The following FER1L6 variants were observed in gnomAD, a reference collection of about 807,000 sequenced individuals.
FER1L6 encodes the protein fer-1 like family member 6, also known as fer-1-like protein 6.
FER1L6 carries 177 observed loss-of-function variants against 219.2 expected under a neutral mutation model. That is an observed-to-expected ratio of 0.81 (90% CI 0.71 to 0.91). The LOEUF (loss-of-function observed/expected upper bound fraction) is 0.91, where lower values mean the gene tolerates loss of function less well. Ranked by LOEUF, FER1L6 falls within the 40% of genes least tolerant of loss-of-function variation. FER1L6 has a pLI of 0.00. For synonymous variants in FER1L6, 768 were observed against 824.3 expected (o/e 0.93, Z 1.17); for missense variants, 2,153 against 2,259.9 (o/e 0.95, Z 0.96).
chr8:123,940,876 C>A (rs1814213575), intron 1 of FER1L6, among the ~76,000 whole-genome samples: 1 of 152,108 alleles, frequency 6.6e-6, no homozygotes, highest in Non-Finnish European at 1.5e-5. Flanking sequence ...GTTTAAGGAA[C>A]AAGCACAGGG....
chr8:123,895,921 G>A (rs1385754048), intron 1 of FER1L6, among the ~76,000 whole-genome samples: 3 of 152,188 alleles, frequency 2.0e-5, no homozygotes, highest in Non-Finnish European at 4.4e-5. Flanking sequence ...ATAAACAGGA[G>A]GGACAATAGG....
chr8:123,910,639 C>A (rs985877015), intron 1 of FER1L6, among the ~76,000 whole-genome samples: 2 of 151,536 alleles, frequency 1.3e-5, no homozygotes, highest in African/African-American at 2.4e-5. Context: ...CTGAAATAAA[C>A]CTTCCTGATA....
At chr8:123,875,049 G>T (rs575630610) in intron 1 of FER1L6, among the ~76,000 whole-genome samples, 1 of 152,144 alleles carries the variant, frequency 6.6e-6, no homozygotes, top group South Asian at 2.1e-4. Context: ...ACAAAAATTA[G>T]CTGGGCATGA....
intron 34 of FER1L6, among the ~76,000 whole-genome samples, chr8:124,093,299 C>G (rs918072262): frequency 6.6e-6 from 1 of 151,976 alleles, no homozygotes; most frequent in Non-Finnish European, 1.5e-5. Context: ...GGCAGGGACA[C>G]AGACCCAAAC....
chr8:124,017,820 A>G, intron 16 of FER1L6, 102 bp downstream of exon 16: 2 of 851,168 alleles, frequency 2.3e-6, no homozygotes, highest in Non-Finnish European at 3.7e-6. Context: ...TAAAGGTCAT[A>G]CATTTTTGGG....
rs781406065 is a variant in FER1L6, at chr8:124,023,470, C to T, written c.2160C>T (p.Phe720=). 6.2e-7 allele frequency: 1 copy of T among 1,614,186 alleles called. No individual in the cohort carries two copies. Residue 720 remains phenylalanine (F), a synonymous_variant, in exon 18 of 41, where the codon TTC becomes TTT. Transcript: ENST00000522917. The stretch of plus-strand genomic sequence containing the variant: ...CCCAGCACACTATCCCTGACGTTTT[C>T]ATCTGGATGCTCAGCAACAACAGGA... The part of the protein sequence containing the change: ...DEPQHTIPDV[F]IWMLSNNRRV...
chr8:124,045,833 G>A lies in FER1L6; in HGVS notation c.2656G>A (p.Gly886Arg). The A allele has an allele frequency of 6.2e-7, 1 of 1,614,124 alleles. No individual in the cohort carries two copies. The highest frequency in any genetic ancestry group is 1.1e-5 in the South Asian group (1 of 91,072). Residue 886 changes from glycine (G) to arginine (R), a missense_variant, in exon 21 of 41, where the codon GGA (glycine) becomes AGA (arginine). Coordinates refer to ENST00000522917, the MANE Select transcript of FER1L6 (RefSeq NM_001039112.2). ...MLLFNDLVLH[G>R]DVKELAESPP... ...GCTGTTCAATGATTTGGTGCTGCAT[G>A]GAGATGTGAAGGAGCTGGCAGAGTC...
In FER1L6 at chr8:123,986,112, T is replaced by G. The variant is rs1327446599; in HGVS notation, c.1455T>G (p.Phe485Leu). The G allele has an allele frequency of 5.6e-6, 9 of 1,613,712 alleles. No homozygotes were observed. Among genetic ancestry groups the G allele is most frequent in the Non-Finnish European group, 7.6e-6 (9 of 1,179,740 alleles). The change falls in exon 12 of 41, where the codon TTT becomes TTG. Residue 485 changes from phenylalanine (F) to leucine (L), a missense_variant. By Grantham distance (22) the Phe-to-Leu change is conservative (BLOSUM62 0). Coordinates refer to ENST00000522917, the MANE Select transcript of FER1L6 (RefSeq NM_001039112.2). ...AGGAATTTTTACTCTTTGGAGCATT[T>G]TTTGAAGCTACCATGATTGACCGGA... ...KNEEFLLFGA[F>L]FEATMIDRKI...
At chr8:123,986,392 G>T (rs1321056328) in intron 12 of FER1L6, among the ~76,000 whole-genome samples, 2 of 152,130 alleles carry the variant, frequency 1.3e-5, no homozygotes, top group African/African-American at 4.8e-5. Flanking sequence ...TGGGTACACA[G>T]TAGGTGTATA....
intron 22 of FER1L6, among the ~76,000 whole-genome samples, chr8:124,055,098 A>ACAT (rs1820223771): frequency 6.6e-6 from 1 of 152,178 alleles, no homozygotes; most frequent in African/African-American, 2.4e-5. Flanking sequence ...GTTTATCTCC[A>ACAT]CATCACACAG....
chr8:123,857,276 A>G (rs1816664701), intron 1 of FER1L6, among the ~76,000 whole-genome samples: 1 of 152,320 alleles, frequency 6.6e-6, no homozygotes, highest in South Asian at 2.1e-4. Flanking sequence ...TTGGGAGGCC[A>G]AGGCAGGAGG....
intron 3 of FER1L6, 76 bp from the exon 4 acceptor site, chr8:123,965,931 T>A: frequency 7.9e-6 from 10 of 1,261,342 alleles, no homozygotes; most frequent in Non-Finnish European, 1.1e-5. Flanking sequence ...GACTTAGAAA[T>A]ACTTTGGAGA....
chr8:124,066,853 C>T (rs767162753), intron 27 of FER1L6, among the ~76,000 whole-genome samples: 1 of 152,094 alleles, frequency 6.6e-6, no homozygotes, highest in Non-Finnish European at 1.5e-5. Flanking sequence ...CAGGGGGGTC[C>T]AGCAGGGAGA....
At chr8:123,922,073 G>T (rs537701620) in intron 1 of FER1L6, among the ~76,000 whole-genome samples, 71 of 152,308 alleles carry the variant, frequency 4.7e-4, no homozygotes, top group Middle Eastern at 6.8e-3. Flanking sequence ...TTTGCCTCAG[G>T]TGGTTTCCAG....
intron 1 of FER1L6, among the ~76,000 whole-genome samples, chr8:123,914,006 C>G (rs1448904454): frequency 6.6e-6 from 1 of 152,096 alleles, no homozygotes; most frequent in African/African-American, 2.4e-5. Context: ...TTATTGGGTC[C>G]TTTTTAGGGT....
chr8:124,099,211 G>A (rs1334800914), intron 37 of FER1L6, among the ~76,000 whole-genome samples: 1 of 152,148 alleles, frequency 6.6e-6, no homozygotes, highest in Non-Finnish European at 1.5e-5. Context: ...GTTGAATCAA[G>A]TAGTTCAAAT....
chr8:124,101,182 T>C lies in FER1L6; in HGVS notation c.4969T>C (p.Phe1657Leu). The C allele has an allele frequency of 6.2e-7, 1 of 1,613,944 alleles. No individual in the cohort carries two copies. The highest frequency in any genetic ancestry group is 8.5e-7 in the Non-Finnish European group (1 of 1,179,958). Residue 1657 changes from phenylalanine (F) to leucine (L), a missense_variant, in exon 38 of 41, where the codon TTC becomes CTC. Coordinates refer to ENST00000522917, the MANE Select transcript of FER1L6 (RefSeq NM_001039112.2). ...LTGEGNFNWR[F>L]LFPFQYLPAE... ...TGGAGAGGGCAACTTCAACTGGCGCTTCCTGTTTCCCTTTCAGTATCTCCC... is the reference window on the plus strand; with the variant it reads ...TGGAGAGGGCAACTTCAACTGGCGCCTCCTGTTTCCCTTTCAGTATCTCCC...
chr8:123,972,092 A>C (rs533452911), intron 6 of FER1L6, among the ~76,000 whole-genome samples: 5 of 152,250 alleles, frequency 3.3e-5, no homozygotes, highest in African/African-American at 9.6e-5. Flanking sequence ...AACTGCAAGC[A>C]TGTTGGATTT....
chr8:124,045,990 C>A, intron 21 of FER1L6, 89 bp downstream of exon 21: 1 of 1,501,414 alleles, frequency 6.7e-7, no homozygotes, highest in Non-Finnish European at 9.1e-7. Context: ...AAATAAAGTC[C>A]TGACGCTGTG....
Sources: gnomAD v4.1 joint callset for allele counts (sites outside exome capture counted in the v4.1 genomes callset) on GRCh38, gnomAD v4.1.1 for gene constraint, MANE v1.5 for transcripts, NCBI Gene and HGNC (gene_info 2026-07-23, HGNC 2026-07-21) for gene names.